Variants in NEK5 observed in about 807,000 individuals in gnomAD.
The protein encoded by NEK5 is serine/threonine-protein kinase Nek5.
A neutral mutation model predicts 109.2 loss-of-function variants in NEK5; 88 were observed. The observed-to-expected ratio is 0.81, with a 90% CI of 0.68 to 0.96. The LOEUF (loss-of-function observed/expected upper bound fraction) is 0.96, where lower values mean the gene tolerates loss of function less well. Among genes scored for constraint, NEK5 ranks in the 40% least tolerant of loss-of-function variants. The pLI, the probability that NEK5 is intolerant of heterozygous loss-of-function variation, is 0.00. For missense variants in NEK5, 834 were observed against 920.7 expected (o/e 0.91, Z 1.22); for synonymous variants, 283 against 299.9 (o/e 0.94, Z 0.58).
intron 4 of NEK5, among the ~76,000 whole-genome samples, chr13:52,116,251 G>A (rs897487809): frequency 6.6e-6 from 1 of 151,028 alleles, no homozygotes; most frequent in Non-Finnish European, 1.5e-5. Context: ...CTGTAGACCC[G>A]GCAGGCTTAA....
chr13:52,079,508 GC>G (rs527889943), intron 17 of NEK5, among the ~76,000 whole-genome samples: 629 of 152,376 alleles, frequency 4.1e-3, no homozygotes, highest in Non-Finnish European at 6.9e-3. Flanking sequence ...CGCTGTGTTG[GC>G]CGGGCTGGTC....
chr13:52,100,702 C>T (rs1360199560), intron 11 of NEK5, among the ~76,000 whole-genome samples: 1 of 151,956 alleles, frequency 6.6e-6, no homozygotes, highest in Non-Finnish European at 1.5e-5. Flanking sequence ...AGTGAGACCC[C>T]ATCTCAATAA....
intron 11 of NEK5, among the ~76,000 whole-genome samples, chr13:52,101,097 G>C (rs7997726): frequency 0.013 from 1,962 of 152,142 alleles, 47 homozygotes; most frequent in African/African-American, 0.045. Context: ...CTTGACACCA[G>C]GACTAAAATA....
At chr13:52,126,013 C>T (rs908266097) in intron 3 of NEK5, among the ~76,000 whole-genome samples, 11 of 152,160 alleles carry the variant, frequency 7.2e-5, no homozygotes, top group Non-Finnish European at 1.6e-4. Flanking sequence ...AAATTTATAT[C>T]ATTTTAACGA....
Position 52,127,383 on chromosome 13 carries a change from CT to C in NEK5, c.99del (p.Glu34ArgfsTer19). On this transcript the variant is annotated frameshift_variant, in exon 3 of 24. Transcript: ENST00000684899. LOFTEE classifies it high-confidence loss of function. The stretch of plus-strand genomic sequence containing the variant: ...AACTTTACCTTTTCAAAATTGATCT[CT>C]TTTATGACACAGTGCTTGCTATCTG... ...GKSDSKHCVI[K>X]EINFEKMPIQ... 6.3e-7 allele frequency: 1 copy of C among 1,596,418 alleles called. No homozygotes were observed. The highest frequency in any genetic ancestry group is 8.6e-7 in the Non-Finnish European group (1 of 1,163,942).
At position 52,037,143 on chromosome 13, in the gene NEK5, C is replaced by G; in HGVS notation, c.2304G>C (p.Gly768=). ...TGGAGGCCTCTTCTGTTTTTTCTTCCCCTTTGAAAGTAGCGAGTTTTTCTA... is the reference window on the plus strand; with the variant it reads ...TGGAGGCCTCTTCTGTTTTTTCTTCGCCTTTGAAAGTAGCGAGTTTTTCTA... ...EYLEKLATFK[G]EEKTEEASST... is the part of the protein sequence containing the mutation. The change falls in exon 24 of 24, where the codon GGG becomes GGC. Residue 768 remains glycine (G), a synonymous_variant. Transcript: ENST00000684899. The G allele has an allele frequency of 1.0e-6, 1 of 985,142 alleles. No homozygotes were observed. Among genetic ancestry groups the G allele is most frequent in the Non-Finnish European group, 1.2e-6 (1 of 829,768 alleles). 61.0% of individuals were successfully genotyped at this position (985,142 alleles called of 1,614,324 possible). A position where few individuals can be genotyped will look rare whatever the true frequency, so the allele number is the denominator to read the frequency against.
At chr13:52,116,576 C>T (rs964580955) in intron 4 of NEK5, among the ~76,000 whole-genome samples, 2 of 152,182 alleles carry the variant, frequency 1.3e-5, no homozygotes, top group African/African-American at 4.8e-5. Context: ...CAGCTGACAC[C>T]TTGATTTCAA....
chr13:52,043,987 T>C (rs929077435), intron 23 of NEK5, among the ~76,000 whole-genome samples: 1 of 152,168 alleles, frequency 6.6e-6, no homozygotes, highest in Non-Finnish European at 1.5e-5. Flanking sequence ...CCAAAGGAGA[T>C]TAACATTTGA....
intron 13 of NEK5, among the ~76,000 whole-genome samples, chr13:52,089,821 G>A (rs912470064): frequency 2.6e-5 from 4 of 151,820 alleles, no homozygotes; most frequent in Non-Finnish European, 5.9e-5. Flanking sequence ...CCCCGTCTCT[G>A]CTAAAAAAAA....
intron 1 of NEK5, among the ~76,000 whole-genome samples, chr13:52,128,195 CT>C (rs529213951): frequency 2.8e-5 from 4 of 144,894 alleles, no homozygotes; most frequent in Non-Finnish European, 4.6e-5. Flanking sequence ...ATGAACACTT[CT>C]TTTTTTTTTC....
At chr13:52,108,229 A>C in intron 8 of NEK5, 89 bp downstream of exon 8, 1 of 762,306 alleles carries the variant, frequency 1.3e-6, no homozygotes. Context: ...GAAAGAAAGA[A>C]GAGATTTGAA....
Position 52,118,023 on chromosome 13 carries a change from C to T in NEK5, c.214+1296G>A, listed in dbSNP as rs142499101. 2.3e-3 allele frequency among the ~76,000 whole-genome samples: 348 copies of T among 152,262 alleles called. 2 individuals are homozygous for T. Among genetic ancestry groups the T allele is most frequent in the South Asian group, 7.9e-3 (38 of 4,826 alleles). On this transcript the variant is annotated intron_variant, in intron 4 of 23. Coordinates refer to ENST00000684899, the MANE Select transcript of NEK5 (RefSeq NM_001365552.1). ...TCCAGACCATGTGTACTGTTCTGCT[C>T]CCAGGAAGACCTCAGAAGAGTCCCA...
At chr13:52,110,683 C>T (rs78125143) in intron 5 of NEK5, 106 bp from the exon 6 acceptor site, 3 of 500,624 alleles carry the variant, frequency 6.0e-6, no homozygotes, top group Non-Finnish European at 1.1e-5. Flanking sequence ...CACACACACA[C>T]ATACACACAT....
intron 23 of NEK5, among the ~76,000 whole-genome samples, chr13:52,046,653 C>T (rs1194944876): frequency 2.0e-5 from 3 of 151,876 alleles, no homozygotes; most frequent in African/African-American, 7.3e-5. Context: ...TTAGATTGAG[C>T]CCAGGAGGTC....
chr13:52,093,042 C>T lies in NEK5; in HGVS notation c.1208+12G>A, dbSNP rs947040110. ...TAGATTAACCAAAGCTTAAGCTAGA[C>T]CACAATATTACCATTGACTTGGGGA... On this transcript the variant is annotated intron_variant, in intron 13 of 23. Transcript: ENST00000684899. 6 of 1,580,232 alleles carry T rather than the reference C, an allele frequency of 3.8e-6. No individual in the cohort carries two copies. The highest frequency in any genetic ancestry group is 5.2e-6 in the Non-Finnish European group (6 of 1,154,722).
intron 4 of NEK5, among the ~76,000 whole-genome samples, 153 bp downstream of exon 4, chr13:52,119,166 A>T (rs1019749939): frequency 2.0e-5 from 3 of 152,228 alleles, no homozygotes; most frequent in African/African-American, 4.8e-5. Context: ...GAGAGGAAAT[A>T]ACGAGGACGT....
intron 7 of NEK5, among the ~76,000 whole-genome samples, chr13:52,109,049 G>A (rs891113508): frequency 2.6e-5 from 4 of 152,096 alleles, no homozygotes; most frequent in African/African-American, 9.7e-5. Flanking sequence ...TTATTCCCTT[G>A]GAAGAAGTCC....
chr13:52,099,815 C>T lies in NEK5; in HGVS notation c.954G>A (p.Val318=). ...GCAATATAGCATTCCTTTTAATTGG[C>T]ACAGATATCCTTGATCTTGGTGGGC... ...GKCPPRSRIS[V]PIKRNAILHR... The change falls in exon 12 of 24, where the codon GTG becomes GTA. Residue 318 remains valine (V), a synonymous_variant. Coordinates refer to ENST00000684899, the MANE Select transcript of NEK5 (RefSeq NM_001365552.1). 8 of 1,613,846 alleles carry T rather than the reference C, an allele frequency of 5.0e-6. No homozygotes were observed. Among genetic ancestry groups the T allele is most frequent in the East Asian group, 4.5e-5 (2 of 44,886 alleles).
chr13:52,043,969 G>A (rs1197433110), intron 23 of NEK5, among the ~76,000 whole-genome samples: 1 of 152,234 alleles, frequency 6.6e-6, no homozygotes, highest in African/African-American at 2.4e-5. Context: ...GTGTCTGTGA[G>A]GGTGTTGCCA....
Sources: allele counts gnomAD v4.1 joint callset (sites outside exome capture counted in the v4.1 genomes callset), GRCh38; gene constraint gnomAD v4.1.1; transcripts MANE v1.5; gene names NCBI Gene and HGNC (gene_info 2026-07-23, HGNC 2026-07-21).